The following ANTXRL variants were observed in gnomAD, a reference collection of about 807,000 sequenced individuals.
ANTXRL encodes ANTXR like, also known as anthrax toxin receptor-like.
ANTXRL carries 63 observed loss-of-function variants against 75.4 expected under a neutral mutation model. That is an observed-to-expected ratio of 0.84 (90% confidence interval 0.68 to 1.03). The LOEUF (loss-of-function observed/expected upper bound fraction) is 1.03, where lower values mean the gene tolerates loss of function less well. ANTXRL is among the 50% of genes least tolerant of loss of function. ANTXRL has a pLI of 0.00. For missense variants in ANTXRL, 797 were observed against 789.4 expected (o/e 1.01, Z -0.12); for synonymous variants, 335 against 291.3 (o/e 1.15, Z -1.53).
chr10:46,320,416 T>C (rs1409789847), intron 16 of ANTXRL, among the ~76,000 whole-genome samples: 1 of 152,132 alleles, frequency 6.6e-6, no homozygotes, highest in Non-Finnish European at 1.5e-5. Context: ...TTTAGTTGTA[T>C]TTGAGCAAGG....
chr10:46,320,382 C>A (rs902522043), intron 16 of ANTXRL, among the ~76,000 whole-genome samples: 1 of 152,018 alleles, frequency 6.6e-6, no homozygotes, highest in Non-Finnish European at 1.5e-5. Flanking sequence ...CAATATAGGC[C>A]CTTAGGGGTT....
intron 16 of ANTXRL, among the ~76,000 whole-genome samples, chr10:46,320,919 C>T (rs1554965463): frequency 6.6e-6 from 1 of 152,120 alleles, no homozygotes; most frequent in Non-Finnish European, 1.5e-5. Context: ...TCTTGAGAGA[C>T]TAGTGCCTGG....
At position 46,311,587 on chromosome 10, in the gene ANTXRL, A is replaced by G. The variant is rs530577452; in HGVS notation, c.1251A>G (p.Pro417=). Residue 417 remains proline, a synonymous_variant, in exon 15 of 17, where the codon CCA becomes CCG. Transcript: ENST00000620264. ...PPPPPLPPPP[P]APVNTCPTVI... ...CACCTCCACTCCCGCCTCCGCCCCC[A>G]GCTCCTGTAAACACCTGCCCCACTG... 54 of 1,488,946 alleles carry G rather than the reference A, an allele frequency of 3.6e-5. No individual in the cohort carries two copies. The East Asian group carries it at 1.1e-3, about 31-fold the overall frequency. The allele number at this position is 1,488,946 out of a possible 1,614,324, so 92.2% of individuals were successfully genotyped here.
At chr10:46,293,276 GTGAGAGTGTGTGCGTGTGTGCC>G (rs1291052729) in intron 2 of ANTXRL, among the ~76,000 whole-genome samples, 42 of 126,722 alleles carry the variant, frequency 3.3e-4, no homozygotes, top group African/African-American at 6.7e-4. Context: ...CTGTGCGTGT[GTGAGAGTGTGTGCGTGTGTGCC>G]TGTGTGTGTG....
intron 1 of ANTXRL, among the ~76,000 whole-genome samples, chr10:46,291,273 T>C (rs1392125053): frequency 1.3e-5 from 2 of 152,200 alleles, no homozygotes; most frequent in Non-Finnish European, 2.9e-5. Context: ...CTCTCTGTTC[T>C]GTTCATTGCT....
At chr10:46,322,534 T>C (rs1554965791) in intron 16 of ANTXRL, among the ~76,000 whole-genome samples, 1 of 152,136 alleles carries the variant, frequency 6.6e-6, no homozygotes, top group East Asian at 1.9e-4. Context: ...TTCCCAGGAT[T>C]ATGAGTTTGA....
intron 9 of ANTXRL, among the ~76,000 whole-genome samples, chr10:46,301,530 T>C (rs1473531638): frequency 6.6e-6 from 1 of 152,100 alleles, no homozygotes; most frequent in Non-Finnish European, 1.5e-5. Context: ...TTGAGGGCCT[T>C]GGAGTGAGGT....
chr10:46,326,133 T>C (rs1554966427), intron 16 of ANTXRL, among the ~76,000 whole-genome samples: 8 of 151,790 alleles, frequency 5.3e-5, no homozygotes, highest in Non-Finnish European at 1.5e-5. Context: ...GGGTTATTTA[T>C]TAAAAATGTT....
intron 1 of ANTXRL, among the ~76,000 whole-genome samples, chr10:46,290,976 G>C (rs4926073): frequency 0.39 from 59,338 of 151,588 alleles, 11,490 homozygotes; most frequent in Non-Finnish European, 0.46. Context: ...TAATTTTGTT[G>C]CCTGTGTTTT....
intron 16 of ANTXRL, among the ~76,000 whole-genome samples, chr10:46,319,441 T>G (rs528008692): frequency 4.1e-4 from 62 of 152,270 alleles, no homozygotes; most frequent in African/African-American, 1.4e-3. Flanking sequence ...CCACGGGGAC[T>G]ATTAGGATGA....
intron 1 of ANTXRL, among the ~76,000 whole-genome samples, chr10:46,287,869 T>C (rs567621868): frequency 3.9e-5 from 6 of 152,298 alleles, no homozygotes; most frequent in Admixed American, 2.0e-4. Context: ...TTGGGGTTTC[T>C]GTGTTGTTTT....
At chr10:46,298,576 G>T (rs1219825004) in intron 9 of ANTXRL, among the ~76,000 whole-genome samples, 8 of 151,796 alleles carry the variant, frequency 5.3e-5, no homozygotes, top group African/African-American at 1.9e-4. Context: ...GGGTCTTGTG[G>T]GAGTGTGTGG....
At chr10:46,293,303 TGTGTGTGCGTGTGTGCCTGTGTGTGA>T (rs1837113135) in intron 2 of ANTXRL, among the ~76,000 whole-genome samples, 9 of 74,312 alleles carry the variant, frequency 1.2e-4, no homozygotes, top group South Asian at 4.4e-4. Context: ...TGTGCCTGTG[TGTGTGTGCGTGTGTGCCTGTGTGTGA>T]GTGTGTGCGT....
At chr10:46,309,948 T>C (rs1219226912) in intron 13 of ANTXRL, among the ~76,000 whole-genome samples, 1 of 151,962 alleles carries the variant, frequency 6.6e-6, no homozygotes, top group Non-Finnish European at 1.5e-5. Flanking sequence ...CGGACCCAGC[T>C]CAGAGAGCTG....
At chr10:46,309,238 G>A (rs1554962801) in intron 13 of ANTXRL, 36 bp downstream of exon 13, 2 of 1,535,224 alleles carry the variant, frequency 1.3e-6, no homozygotes, top group Admixed American at 2.0e-5. Context: ...CTGGGGCCCA[G>A]GCACAGGCCC....
chr10:46,295,950 A>C, intron 3 of ANTXRL, 69 bp from the exon 4 acceptor site: 1 of 1,302,048 alleles, frequency 7.7e-7, no homozygotes, highest in Non-Finnish European at 1.1e-6. Context: ...TGGCTCCCGG[A>C]GAGCTTGGGA....
At position 46,287,192 on chromosome 10, in the gene ANTXRL, C is replaced by T. The variant is rs571536802; in HGVS notation, c.-71C>T. 1.3e-6 allele frequency: 2 copies of T among 1,502,148 alleles called. No individual in the cohort carries two copies. Among genetic ancestry groups the T allele is most frequent in the Non-Finnish European group, 1.8e-6 (2 of 1,132,636 alleles). The allele number at this position is 1,502,148 out of a possible 1,614,324, so 93.1% of individuals were successfully genotyped here. A position where few individuals can be genotyped will look rare whatever the true frequency, so the allele number is the denominator to read the frequency against. On this transcript the variant is annotated 5_prime_UTR_variant, in exon 1 of 17. Coordinates refer to ENST00000620264, the MANE Select transcript of ANTXRL (RefSeq NM_001278688.3). ...TAAGGGGAGGCGGCAAAGAAGGGGC[C>T]TGTGCTCAGCCTCTCTGGGCCCTGG...
At chr10:46,310,990 G>C (rs1838386661) in intron 14 of ANTXRL, among the ~76,000 whole-genome samples, 1 of 152,022 alleles carries the variant, frequency 6.6e-6, no homozygotes, top group Non-Finnish European at 1.5e-5. Context: ...GTCCTGGTGG[G>C]CACCGAGCTG....
chr10:46,329,656 C>T lies in ANTXRL; in HGVS notation c.1468C>T (p.Pro490Ser). ...QSQYAQAPCC[P>S]RICFPHSQEC... ...CCAATATGCACAGGCTCCCTGCTGC[C>T]CAAGGATCTGCTTTCCACACAGCCA... is the stretch of plus-strand genomic sequence containing the variant. The change falls in exon 17 of 17, where the codon CCA becomes TCA. Residue 490 changes from proline to serine, a missense_variant. Pro to Ser is a moderately conservative substitution (Grantham distance 74). Transcript: ENST00000620264. 1 of 1,536,474 alleles carries T rather than the reference C, an allele frequency of 6.5e-7. No individual in the cohort carries two copies. The highest frequency in any genetic ancestry group is 8.7e-7 in the Non-Finnish European group (1 of 1,146,840).
Sources: allele counts gnomAD v4.1 joint callset (sites outside exome capture counted in the v4.1 genomes callset), GRCh38; gene constraint gnomAD v4.1.1; transcripts MANE v1.5; gene names NCBI Gene and HGNC (gene_info 2026-07-23, HGNC 2026-07-21).